Variants in ATG14 observed in about 807,000 individuals in gnomAD.
ATG14 encodes the protein autophagy related 14.
ATG14 carries 35 observed loss-of-function variants against 60.4 expected under a neutral mutation model. The ratio of observed to expected loss-of-function variants is 0.58; its 90% CI spans 0.44 to 0.77. ATG14 has a LOEUF of 0.77. Among genes scored for constraint, ATG14 ranks in the 30% least tolerant of loss-of-function variants. ATG14 has a pLI of 0.00. For missense variants in ATG14, 647 were observed against 626.3 expected (o/e 1.03, Z -0.35); for synonymous variants, 234 against 228.8 (o/e 1.02, Z -0.21).
At chr14:55,379,524 G>A (rs1417829149) in intron 7 of ATG14, among the ~76,000 whole-genome samples, 3 of 152,108 alleles carry the variant, frequency 2.0e-5, no homozygotes, top group Non-Finnish European at 2.9e-5. Flanking sequence ...CAGCCTGGAC[G>A]ACAGAGTGAG....
At chr14:55,383,443 C>CGTA (rs991615596) in intron 5 of ATG14, among the ~76,000 whole-genome samples, 1 of 151,900 alleles carries the variant, frequency 6.6e-6, no homozygotes, top group Non-Finnish European at 1.5e-5. Context: ...CCCAGCTACT[C>CGTA]GGAAGGCTAA....
At chr14:55,381,299 C>G (rs1486583763) in intron 6 of ATG14, among the ~76,000 whole-genome samples, 2 of 152,178 alleles carry the variant, frequency 1.3e-5, no homozygotes, top group African/African-American at 2.4e-5. Context: ...CTTTCTCCAC[C>G]AAAGAGAAAC....
intron 1 of ATG14, among the ~76,000 whole-genome samples, chr14:55,404,259 T>G (rs1885454425): frequency 1.3e-5 from 2 of 152,216 alleles, no homozygotes; most frequent in Non-Finnish European, 2.9e-5. Context: ...TGGCTGAAAG[T>G]AGTTCAATTT....
Position 55,373,931 on chromosome 14 carries a change from G to T in ATG14, c.1172+3888C>A, listed in dbSNP as rs61412126. On this transcript the variant is annotated intron_variant, in intron 9 of 9. Transcript: ENST00000247178. ...CTACACTTTGATTCTGATGAAGCAG[G>T]TGTGAAAAGGGGACTCCTGAAGTTC... 7.6e-4 allele frequency among the ~76,000 whole-genome samples: 116 copies of T among 152,302 alleles called. 2 individuals carry two copies. Among genetic ancestry groups the T allele is most frequent in the African/African-American group, 2.5e-3 (105 of 41,584 alleles).
chr14:55,410,357 G>A (rs927387802), intron 1 of ATG14, among the ~76,000 whole-genome samples: 1 of 152,224 alleles, frequency 6.6e-6, no homozygotes, highest in African/African-American at 2.4e-5. Context: ...CAGACAAGAA[G>A]GTCCAGAACC....
rs1393628091 is a variant in ATG14, at chr14:55,371,406, T to C, written c.1173-1481A>G. On this transcript the variant is annotated intron_variant, in intron 9 of 9. Transcript: ENST00000247178. ...GCTTCCCAGATGGATTAAGCAATAA[T>C]AATAGCTAACATTTATGCTCCAGGG... Among the ~76,000 whole-genome samples, 5 of 152,236 alleles carry C rather than the reference T, an allele frequency of 3.3e-5. No individual in the cohort carries two copies. The East Asian group carries it at 7.7e-4, about 24-fold the overall frequency.
At chr14:55,383,633 A>T (rs1885074321) in intron 5 of ATG14, among the ~76,000 whole-genome samples, 1 of 151,510 alleles carries the variant, frequency 6.6e-6, no homozygotes, top group Non-Finnish European at 1.5e-5. Flanking sequence ...GCCCATCATG[A>T]TGACTCATGC....
chr14:55,371,533 G>C (rs562048236), intron 9 of ATG14, among the ~76,000 whole-genome samples: 2 of 152,268 alleles, frequency 1.3e-5, no homozygotes, highest in South Asian at 4.1e-4. Context: ...CAGGCCGGGC[G>C]CGGTGGCTCA....
At position 55,411,591 on chromosome 14, in the gene ATG14, G is replaced by A. The variant is rs965992731; in HGVS notation, c.221+11C>T. ...GCAGAAGAAACAATAGGGCCGTGGC[G>A]GCCGCCGTACCTCTCCCGGTCGCGG... On this transcript the variant is annotated intron_variant, in intron 1 of 9. Coordinates refer to ENST00000247178, the MANE Select transcript of ATG14 (RefSeq NM_014924.5). 3 of 1,598,662 alleles carry A rather than the reference G, an allele frequency of 1.9e-6. No homozygotes were observed. The highest frequency in any genetic ancestry group is 1.3e-5 in the African/African-American group (1 of 74,740).
At chr14:55,394,551 CT>C (rs546780260) in intron 3 of ATG14, among the ~76,000 whole-genome samples, 91 of 152,312 alleles carry the variant, frequency 6.0e-4, no homozygotes, top group Non-Finnish European at 1.1e-3. Context: ...CAATTCACAA[CT>C]GAATAGCATG....
chr14:55,392,587 TGCAGTGA>T (rs1268859899), intron 3 of ATG14, among the ~76,000 whole-genome samples: 1 of 147,946 alleles, frequency 6.8e-6, no homozygotes, highest in Non-Finnish European at 1.5e-5. Context: ...AGGCAGAGGT[TGCAGTGA>T]GCCAAGATTG....
At position 55,397,276 on chromosome 14, in the gene ATG14, G is replaced by A. The variant is rs1016008000; in HGVS notation, c.284+96C>T. 7 of 1,055,208 alleles carry A rather than the reference G, an allele frequency of 6.6e-6. No individual in the cohort carries two copies. In the African/African-American group the frequency reaches 7.8e-5, roughly 12 times the overall value. The allele number at this position is 1,055,208 out of a possible 1,614,324, so 65.4% of individuals were successfully genotyped here. On this transcript the variant is annotated intron_variant, in intron 2 of 9. Transcript: ENST00000247178. ...AGAGGTTGTATCCTAAATTCAGTAA[G>A]TTAGCAATCCGTATATCTGCATACC...
At chr14:55,390,238 T>G (rs1484241311) in intron 4 of ATG14, among the ~76,000 whole-genome samples, 1 of 145,576 alleles carries the variant, frequency 6.9e-6, no homozygotes, top group Admixed American at 6.8e-5. Flanking sequence ...GCCCGGCTAA[T>G]TTTTGTATTT....
At chr14:55,371,545 A>G (rs143233795) in intron 9 of ATG14, among the ~76,000 whole-genome samples, 19,980 of 151,566 alleles carry the variant, frequency 0.13, 1,728 homozygotes, top group South Asian at 0.17. Flanking sequence ...GGTGGCTCAC[A>G]CCTGTAATCC....
chr14:55,385,585 T>G (rs1885111362), intron 5 of ATG14, among the ~76,000 whole-genome samples: 1 of 152,074 alleles, frequency 6.6e-6, no homozygotes, highest in Non-Finnish European at 1.5e-5. Flanking sequence ...GAGCCACCAC[T>G]CCCAGCCATC....
Position 55,385,925 on chromosome 14 carries a change from C to T in ATG14, c.581G>A (p.Arg194Gln). The change falls in exon 5 of 10, where the codon CGA becomes CAA. Residue 194 changes from arginine to glutamine, a missense_variant. Arg to Gln is a conservative substitution (Grantham distance 43). Transcript: ENST00000247178. ...RSHYERLANLRRSHILELTSV... is the reference protein window; with the variant it reads ...RSHYERLANLQRSHILELTSV... ...GGTGAGCTCTAATATATGGGATCGT[C>T]GAAGATTTGCCAGACGCTCATAATG... 1.2e-6 allele frequency: 2 copies of T among 1,614,066 alleles called. No homozygotes were observed. Among genetic ancestry groups the T allele is most frequent in the Non-Finnish European group, 8.5e-7 (1 of 1,180,014 alleles).
At chr14:55,388,451 G>A (rs1442695870) in intron 4 of ATG14, among the ~76,000 whole-genome samples, 2 of 152,142 alleles carry the variant, frequency 1.3e-5, no homozygotes, top group African/African-American at 2.4e-5. Flanking sequence ...ACATCAAAAT[G>A]TTTGGTGCTG....
chr14:55,375,176 C>T (rs1254646334), intron 9 of ATG14, among the ~76,000 whole-genome samples: 1 of 152,164 alleles, frequency 6.6e-6, no homozygotes, highest in Non-Finnish European at 1.5e-5. Context: ...AAATAAGCTT[C>T]ATAATTTTTA....
chr14:55,403,534 A>G (rs1885444522), intron 1 of ATG14, among the ~76,000 whole-genome samples: 1 of 152,158 alleles, frequency 6.6e-6, no homozygotes, highest in South Asian at 2.1e-4. Context: ...AGGGATAGTC[A>G]TATATAATCT....
Sources: allele counts gnomAD v4.1 joint callset (sites outside exome capture counted in the v4.1 genomes callset), GRCh38; gene constraint gnomAD v4.1.1; transcripts MANE v1.5; gene names NCBI Gene and HGNC (gene_info 2026-07-23, HGNC 2026-07-21).